KAZN: variants seen among roughly 807,000 people sequenced by gnomAD.
KAZN encodes the protein kazrin.
A neutral mutation model predicts 87.4 loss-of-function variants in KAZN; 40 were observed. That is an observed-to-expected ratio of 0.46 (90% CI 0.36 to 0.60). The LOEUF is 0.60. KAZN is among the 20% of genes least tolerant of loss of function. The pLI is 0.00. For missense variants in KAZN, 898 were observed against 1,073.9 expected (o/e 0.84, Z 2.29); for synonymous variants, 466 against 458.3 (o/e 1.02, Z -0.22).
At chr1:13,967,467 A>G (rs1304343924) in intron 1 of KAZN, among the ~76,000 whole-genome samples, 4 of 152,222 alleles carry the variant, frequency 2.6e-5, no homozygotes, top group African/African-American at 9.6e-5. Context: ...AGCATCCAGC[A>G]GTGTAGGCAT....
intron 1 of KAZN, among the ~76,000 whole-genome samples, chr1:14,698,425 G>A (rs978539411): frequency 6.6e-6 from 1 of 152,180 alleles, no homozygotes; most frequent in Non-Finnish European, 1.5e-5. Flanking sequence ...CGTGAGCCAC[G>A]CAGATTCTGC....
At chr1:14,539,365 A>G (rs914923182) in intron 2 of KAZN, among the ~76,000 whole-genome samples, 7 of 152,216 alleles carry the variant, frequency 4.6e-5, no homozygotes, top group Non-Finnish European at 8.8e-5. Context: ...TCCTGGAGCA[A>G]TATAAGGACA....
chr1:14,432,048 T>C (rs1666102465), intron 2 of KAZN, among the ~76,000 whole-genome samples: 1 of 152,068 alleles, frequency 6.6e-6, no homozygotes, highest in Admixed American at 6.6e-5. Flanking sequence ...AGAGTAAGGA[T>C]CTCCCAGAAT....
At chr1:14,402,832 CT>C (rs575952546) in intron 2 of KAZN, among the ~76,000 whole-genome samples, 241 of 146,380 alleles carry the variant, frequency 1.6e-3, no homozygotes, top group African/African-American at 1.7e-3. Context: ...GATATAGAAA[CT>C]TTTTTTTTTT....
chr1:14,796,953 G>A (rs1469044872), intron 1 of KAZN, among the ~76,000 whole-genome samples: 2 of 152,230 alleles, frequency 1.3e-5, no homozygotes, highest in Non-Finnish European at 2.9e-5. Flanking sequence ...ACGGCCTGAT[G>A]GACTTGGAAG....
At chr1:13,975,045 C>T (rs1373810465) in intron 1 of KAZN, among the ~76,000 whole-genome samples, 2 of 152,052 alleles carry the variant, frequency 1.3e-5, no homozygotes, top group African/African-American at 4.8e-5. Context: ...GATCACTTTC[C>T]ATGTTCTAGG....
At position 14,384,485 on chromosome 1, in the gene KAZN, G is replaced by A. The variant is rs187693258; in HGVS notation, c.249+203893G>A. ...GATAGCTCTTACTATTTTGAAATAC[G>A]TCCCATCAATACCTAATTTATTGAG... On this transcript the variant is annotated intron_variant, in intron 2 of 16. Coordinates refer to the KAZN transcript ENST00000636203. Among the ~76,000 whole-genome samples, 847 of 152,202 alleles carry A rather than the reference G, an allele frequency of 5.6e-3. 13 individuals are homozygous for A. Among genetic ancestry groups the A allele is most frequent in the African/African-American group, 0.019 (801 of 41,508 alleles).
At position 13,987,415 on chromosome 1, in the gene KAZN, TGTG is replaced by T. The variant is rs528352612; in HGVS notation, c.91+93663_91+93665del. On this transcript the variant is annotated intron_variant, in intron 1 of 16. Transcript: ENST00000636203. Reference sequence around the variant, plus strand: ...CAACTCCTACTTATGAGTGACAACATGTGGTGTTTGGTTTTCTGTTCTGCAGGA... The same window carrying T: ...CAACTCCTACTTATGAGTGACAACATGTGTTTGGTTTTCTGTTCTGCAGGA... Among the ~76,000 whole-genome samples the T allele has an allele frequency of 3.3e-5, 5 of 152,342 alleles. No homozygotes were observed. The East Asian group carries it at 9.6e-4, about 29-fold the overall frequency.
At chr1:14,537,982 G>A (rs1161340214) in intron 2 of KAZN, among the ~76,000 whole-genome samples, 1 of 152,148 alleles carries the variant, frequency 6.6e-6, no homozygotes, top group African/African-American at 2.4e-5. Context: ...GAAATCCAAG[G>A]GCAGGCATCT....
At chr1:14,885,833 T>C (rs995634767) in intron 1 of KAZN, among the ~76,000 whole-genome samples, 12 of 152,170 alleles carry the variant, frequency 7.9e-5, no homozygotes, top group Admixed American at 7.9e-4. Context: ...TAGCCATTCT[T>C]TGTAACACTC....
intron 2 of KAZN, among the ~76,000 whole-genome samples, chr1:14,982,177 C>G (rs899685496): frequency 2.0e-5 from 3 of 152,168 alleles, no homozygotes; most frequent in African/African-American, 7.2e-5. Flanking sequence ...TTGCAGCAGA[C>G]ACACGGCTGG....
At chr1:14,842,451 T>C (rs1648131856) in intron 1 of KAZN, among the ~76,000 whole-genome samples, 1 of 152,226 alleles carries the variant, frequency 6.6e-6, no homozygotes, top group Non-Finnish European at 1.5e-5. Context: ...TGTCAGTCCA[T>C]GGCACTGCAG....
intron 2 of KAZN, among the ~76,000 whole-genome samples, chr1:14,568,788 G>C (rs1209624665): frequency 6.6e-6 from 1 of 152,216 alleles, no homozygotes; most frequent in African/African-American, 2.4e-5. Context: ...TAAGGAATGG[G>C]TGTTGTTTTA....
At chr1:14,754,621 A>T (rs1644505949) in intron 1 of KAZN, among the ~76,000 whole-genome samples, 2 of 152,144 alleles carry the variant, frequency 1.3e-5, no homozygotes, top group Admixed American at 6.5e-5. Context: ...TGAAAGAGGG[A>T]GATTCGGTCT....
intron 1 of KAZN, among the ~76,000 whole-genome samples, chr1:14,886,469 G>C (rs1654075868): frequency 6.6e-6 from 1 of 151,562 alleles, no homozygotes; most frequent in Admixed American, 6.6e-5. Context: ...CACACAGAGA[G>C]AGACAGAGAG....
chr1:14,007,556 C>T (rs1293550982), intron 1 of KAZN, among the ~76,000 whole-genome samples: 1 of 152,228 alleles, frequency 6.6e-6, no homozygotes, highest in African/African-American at 2.4e-5. Context: ...AAGAGCAAAA[C>T]ACTATCCATG....
chr1:14,523,917 C>T (rs1206335553), intron 2 of KAZN, among the ~76,000 whole-genome samples: 2 of 152,202 alleles, frequency 1.3e-5, no homozygotes, highest in Admixed American at 6.5e-5. Context: ...ATATGTCAGT[C>T]AAATTGAATA....
rs913729802 is a variant in KAZN at position 15,099,812 on chromosome 1, C to T, written c.1548-1731C>T. On this transcript the variant is annotated intron_variant, in intron 10 of 14. Transcript: ENST00000376030. This position sits in a 1 kb window ranked among gnomAD's most constrained non-coding sequence, Gnocchi z 5.4. ...GCAAAGGCAGGAAACGGGGAGCAGC[C>T]GGGGAAAGTGGCAGAAACCCACACC... Among the ~76,000 whole-genome samples, 12 of 152,100 alleles carry T rather than the reference C, an allele frequency of 7.9e-5. No homozygotes were observed. The highest frequency in any genetic ancestry group is 3.9e-4 in the East Asian group (2 of 5,190).
chr1:15,001,333 G>T (rs1403297079), intron 2 of KAZN, among the ~76,000 whole-genome samples: 1 of 151,720 alleles, frequency 6.6e-6, no homozygotes, highest in Non-Finnish European at 1.5e-5. Context: ...AAATTAACTG[G>T]GTGTGGTGAC....
Sources: allele counts gnomAD v4.1 joint callset (sites outside exome capture counted in the v4.1 genomes callset), GRCh38; gene constraint gnomAD v4.1.1; non-coding constraint Gnocchi (gnomAD v3.1); transcripts MANE v1.5; gene names NCBI Gene and HGNC (gene_info 2026-07-23, HGNC 2026-07-21).